The following ADAMTS20 variants were observed in gnomAD, a reference collection of about 807,000 sequenced individuals.
ADAMTS20 encodes ADAM metallopeptidase with thrombospondin type 1 motif 20.
A neutral mutation model predicts 260.1 loss-of-function variants in ADAMTS20; 225 were observed. The observed-to-expected ratio is 0.87, with a 90% CI of 0.78 to 0.97. The LOEUF (loss-of-function observed/expected upper bound fraction) is 0.97, where lower values mean the gene tolerates loss of function less well. Ranked by LOEUF, ADAMTS20 falls within the 50% of genes least tolerant of loss-of-function variation. ADAMTS20 has a pLI of 0.00. For missense variants in ADAMTS20, 2,400 were observed against 2,337.7 expected, an observed-to-expected ratio of 1.03 and a Z score of -0.55; for synonymous variants, 802 against 769.5, an observed-to-expected ratio of 1.04 and a Z score of -0.70.
At position 43,361,133 on chromosome 12, in the gene ADAMTS20, A is replaced by G. The variant is rs77375330; in HGVS notation, c.5539-4545T>C. On this transcript the variant is annotated intron_variant, in intron 37 of 38. Coordinates refer to ENST00000389420, the MANE Select transcript of ADAMTS20 (RefSeq NM_025003.5). Reference sequence around the variant, plus strand: ...GTTTATTTTCCCTAAAGAGTGCCATATGTGTCCATACTCTTTTTTAGCATT... The same window carrying G: ...GTTTATTTTCCCTAAAGAGTGCCATGTGTGTCCATACTCTTTTTTAGCATT... 4.6e-3 allele frequency among the ~76,000 whole-genome samples: 697 copies of G among 152,322 alleles called. 6 individuals carry two copies. The highest frequency in any genetic ancestry group is 0.016 in the African/African-American group (662 of 41,564).
At chr12:43,440,617 T>C (rs967547386) in intron 16 of ADAMTS20, among the ~76,000 whole-genome samples, 3 of 152,226 alleles carry the variant, frequency 2.0e-5, no homozygotes, top group African/African-American at 7.2e-5. Context: ...TATACTTTTC[T>C]ATCTCAGATG....
intron 19 of ADAMTS20, chr12:43,433,694 GCACACACAAACACACACACACACACA>G (rs1346701723): frequency 6.5e-6 from 2 of 309,956 alleles, no homozygotes; most frequent in Admixed American, 4.1e-5. Flanking sequence ...ACACACACAT[GCACACACAAACACACACACACACACA>G]CACACACACA....
At chr12:43,391,926 A>G (rs1940604720) in intron 29 of ADAMTS20, among the ~76,000 whole-genome samples, 1 of 152,212 alleles carries the variant, frequency 6.6e-6, no homozygotes, top group Non-Finnish European at 1.5e-5. Context: ...GAGTATAAGC[A>G]GCAACCACCA....
chr12:43,495,432 G>C (rs1942663635), intron 4 of ADAMTS20, among the ~76,000 whole-genome samples: 2 of 152,140 alleles, frequency 1.3e-5, no homozygotes, highest in African/African-American at 2.4e-5. Context: ...ATTTAGATTA[G>C]AGCCAGGATC....
intron 28 of ADAMTS20, among the ~76,000 whole-genome samples, chr12:43,404,711 A>G (rs1457532615): frequency 1.3e-5 from 2 of 152,176 alleles, no homozygotes; most frequent in Non-Finnish European, 2.9e-5. Flanking sequence ...CAAAACTAAT[A>G]TTTAATACAC....
At chr12:43,505,569 C>T (rs1942829506) in intron 3 of ADAMTS20, among the ~76,000 whole-genome samples, 1 of 152,112 alleles carries the variant, frequency 6.6e-6, no homozygotes, top group South Asian at 2.1e-4. Context: ...AAATGCAAAT[C>T]AAAACCACAA....
intron 7 of ADAMTS20, among the ~76,000 whole-genome samples, chr12:43,481,832 C>A (rs976723390): frequency 4.6e-5 from 7 of 152,152 alleles, no homozygotes; most frequent in South Asian, 2.1e-4. Flanking sequence ...GAACTTTTTT[C>A]CAAGAAGCAA....
At chr12:43,428,839 A>G (rs1941387620) in intron 24 of ADAMTS20, 40 bp from the exon 25 acceptor site, 2 of 1,541,470 alleles carry the variant, frequency 1.3e-6, no homozygotes, top group Middle Eastern at 1.8e-4. Context: ...ATTATACAGT[A>G]GTACCTCACC....
At position 43,453,922 on chromosome 12, in the gene ADAMTS20, C is replaced by T. The variant is rs141879117; in HGVS notation, c.1745G>A (p.Arg582His). ...CGGGIESATR[R>H]CNRPEPRNGG... ...AAAGACATACTCAGGACGATTACAG[C>T]GCCTGGTTGCACTTTCGATTCCGCC... Residue 582 changes from arginine to histidine, a missense_variant, in exon 12 of 39, where the codon CGC becomes CAC. Physicochemically the swap from Arg to His is conservative, Grantham distance 29. Coordinates refer to ENST00000389420, the MANE Select transcript of ADAMTS20 (RefSeq NM_025003.5). 2.2e-4 allele frequency: 351 copies of T among 1,605,538 alleles called. 2 individuals are homozygous for T. The East Asian group carries it at 3.1e-3, about 14-fold the overall frequency.
At chr12:43,429,171 A>G (rs1046291946) in intron 24 of ADAMTS20, among the ~76,000 whole-genome samples, 6 of 152,156 alleles carry the variant, frequency 3.9e-5, no homozygotes, top group African/African-American at 1.4e-4. Context: ...ACAGATAGAT[A>G]TAATTCCATA....
At chr12:43,469,354 G>A (rs1053902106) in intron 7 of ADAMTS20, among the ~76,000 whole-genome samples, 1 of 152,062 alleles carries the variant, frequency 6.6e-6, no homozygotes, top group Non-Finnish European at 1.5e-5. Flanking sequence ...AGAATAACAT[G>A]CAACTCAAAT....
At chr12:43,376,461 T>C in intron 33 of ADAMTS20, 63 bp downstream of exon 33, 1 of 1,535,646 alleles carries the variant, frequency 6.5e-7, no homozygotes, top group Non-Finnish European at 8.8e-7. Flanking sequence ...ACTACAGATA[T>C]TTATTTTAAC....
Position 43,443,896 on chromosome 12 carries a change from T to C in ADAMTS20, c.2198-13A>G. 1 of 1,607,036 alleles carries C rather than the reference T, an allele frequency of 6.2e-7. No homozygotes were observed. The highest frequency in any genetic ancestry group is 8.5e-7 in the Non-Finnish European group (1 of 1,174,128). On this transcript the variant is annotated splice_polypyrimidine_tract_variant and intron_variant, in intron 15 of 38. Coordinates refer to ENST00000389420, the MANE Select transcript of ADAMTS20 (RefSeq NM_025003.5). ...ACAACATTATAACCTGCAATATAATTTTACATATGTTAAATTTCACAAAAA... is the reference window on the plus strand; with the variant it reads ...ACAACATTATAACCTGCAATATAATCTTACATATGTTAAATTTCACAAAAA...
intron 36 of ADAMTS20, among the ~76,000 whole-genome samples, chr12:43,370,989 T>G (rs574033630): frequency 6.6e-5 from 10 of 152,296 alleles, no homozygotes; most frequent in African/African-American, 2.4e-4. Flanking sequence ...CTCTATTCCT[T>G]CCCCTGCTTA....
At chr12:43,529,479 G>A (rs1266348435) in intron 3 of ADAMTS20, among the ~76,000 whole-genome samples, 7 of 152,122 alleles carry the variant, frequency 4.6e-5, no homozygotes. Flanking sequence ...GCCACAAAAA[G>A]GCATGAAATA....
chr12:43,496,731 G>A (rs116872858), intron 4 of ADAMTS20, among the ~76,000 whole-genome samples: 2,666 of 152,242 alleles, frequency 0.018, 42 homozygotes, highest in Admixed American at 0.041. Flanking sequence ...GTGCTGTTGG[G>A]AAGAGTTGTG....
chr12:43,409,211 A>T (rs1402874739), intron 28 of ADAMTS20, among the ~76,000 whole-genome samples: 1 of 152,174 alleles, frequency 6.6e-6, no homozygotes, highest in East Asian at 1.9e-4. Flanking sequence ...TAATTAAAAA[A>T]TATAACTAAA....
intron 28 of ADAMTS20, among the ~76,000 whole-genome samples, chr12:43,420,399 ATACT>A (rs1941203500): frequency 6.6e-6 from 1 of 152,200 alleles, no homozygotes; most frequent in African/African-American, 2.4e-5. Flanking sequence ...TACTAGTTAA[ATACT>A]TAATTGTTAT....
chr12:43,402,911 C>G (rs1213768585), intron 28 of ADAMTS20, among the ~76,000 whole-genome samples: 1 of 151,944 alleles, frequency 6.6e-6, no homozygotes, highest in Non-Finnish European at 1.5e-5. Flanking sequence ...GCAGTAGATA[C>G]AGCACACAAC....
Sources: allele counts gnomAD v4.1 joint callset (sites outside exome capture counted in the v4.1 genomes callset), GRCh38; gene constraint gnomAD v4.1.1; transcripts MANE v1.5; gene names NCBI Gene and HGNC (gene_info 2026-07-23, HGNC 2026-07-21).